The following LYPD6 variants were observed in gnomAD, a reference collection of about 807,000 sequenced individuals.
LYPD6 encodes the protein LY6/PLAUR domain containing 6, also known as ly6/PLAUR domain-containing protein 6.
In LYPD6, 15 loss-of-function variants were observed where a neutral mutation model predicts 22.7. That is an observed-to-expected ratio of 0.66 (90% CI 0.44 to 1.02). LYPD6 has a LOEUF of 1.02. LYPD6 is among the 50% of genes least tolerant of loss of function. The pLI is 0.00. For missense variants in LYPD6, 189 were observed against 208.4 expected, an observed-to-expected ratio of 0.91 and a Z score of 0.57; for synonymous variants, 72 against 77.5, an observed-to-expected ratio of 0.93 and a Z score of 0.37.
At chr2:149,350,624 G>A (rs1421610585) in intron 1 of LYPD6, among the ~76,000 whole-genome samples, 1 of 152,186 alleles carries the variant, frequency 6.6e-6, no homozygotes, top group African/African-American at 2.4e-5. Context: ...TTCTATGTAT[G>A]TACTTTCCAA....
intron 2 of LYPD6, among the ~76,000 whole-genome samples, chr2:149,445,591 G>A (rs1683669838): frequency 6.6e-6 from 1 of 152,180 alleles, no homozygotes. Flanking sequence ...TTTATGTTAT[G>A]GAAATGGATT....
downstream of LYPD6, among the ~76,000 whole-genome samples, chr2:149,477,438 C>T (rs187624539): frequency 8.9e-3 from 1,348 of 152,038 alleles, 56 homozygotes; most frequent in Admixed American, 0.074. Flanking sequence ...GCCTGGCCAA[C>T]GTGGTGAAAC....
intron 1 of LYPD6, among the ~76,000 whole-genome samples, chr2:149,377,647 G>A (rs1388251349): frequency 6.6e-6 from 1 of 152,126 alleles, no homozygotes; most frequent in East Asian, 1.9e-4. Context: ...CGGTGTGGTG[G>A]CACACACCTA....
At chr2:149,379,584 GT>G (rs1682014092) in intron 1 of LYPD6, among the ~76,000 whole-genome samples, 1 of 152,172 alleles carries the variant, frequency 6.6e-6, no homozygotes, top group African/African-American at 2.4e-5. Flanking sequence ...CTTACCTTGG[GT>G]GGGTGCTTCA....
rs540839237 is a variant in LYPD6, at chr2:149,466,625, G to A, written c.218-2020G>A. 1.5e-4 allele frequency among the ~76,000 whole-genome samples: 23 copies of A among 152,252 alleles called. 1 individual carries two copies. In the South Asian group the frequency reaches 3.5e-3, roughly 23 times the overall value. On this transcript the variant is annotated intron_variant, in intron 3 of 4. Transcript: ENST00000334166. Reference sequence around the variant, plus strand: ...CTCTCCATTATGTATAAGATATTTTGTTAAAGATAGAAAAGTATGAACAAA... The same window carrying A: ...CTCTCCATTATGTATAAGATATTTTATTAAAGATAGAAAAGTATGAACAAA...
chr2:149,452,116 G>A (rs1030343373), intron 3 of LYPD6, among the ~76,000 whole-genome samples: 1 of 152,196 alleles, frequency 6.6e-6, no homozygotes, highest in African/African-American at 2.4e-5. Flanking sequence ...CAGAGCAAAG[G>A]CATAGAGACA....
intron 2 of LYPD6, chr2:149,440,353 C>G (rs1683534486): frequency 6.0e-6 from 1 of 166,310 alleles, no homozygotes; most frequent in African/African-American, 2.4e-5. Context: ...TGTTCCTAAA[C>G]CAGAAGAGGG....
intron 1 of LYPD6, among the ~76,000 whole-genome samples, chr2:149,397,729 G>C (rs966599596): frequency 2.0e-5 from 3 of 152,180 alleles, no homozygotes; most frequent in African/African-American, 7.2e-5. Flanking sequence ...AGAAGTCTAG[G>C]ACTGTGGTTC....
At chr2:149,383,608 G>A (rs1389934261) in intron 1 of LYPD6, among the ~76,000 whole-genome samples, 2 of 152,130 alleles carry the variant, frequency 1.3e-5, no homozygotes, top group South Asian at 2.1e-4. Context: ...TCATCTTACT[G>A]AGTCATTATG....
downstream of LYPD6, among the ~76,000 whole-genome samples, chr2:149,477,706 G>A (rs1681466187): frequency 6.7e-6 from 1 of 149,878 alleles, no homozygotes; most frequent in Non-Finnish European, 1.5e-5. Context: ...ATAGTGGTGT[G>A]TTTCAGCCAG....
downstream of LYPD6, among the ~76,000 whole-genome samples, chr2:149,474,825 T>TG (rs1409756328): frequency 2.0e-5 from 3 of 152,108 alleles, no homozygotes; most frequent in East Asian, 5.8e-4. Flanking sequence ...TGCAGTACAA[T>TG]GGCATGATCT....
intron 3 of LYPD6, among the ~76,000 whole-genome samples, chr2:149,461,671 A>G (rs2105175378): frequency 6.6e-6 from 1 of 152,160 alleles, no homozygotes; most frequent in South Asian, 2.1e-4. Context: ...ATTGGCAAAT[A>G]GAATGTAGCA....
chr2:149,443,480 G>A (rs569192596), intron 2 of LYPD6, among the ~76,000 whole-genome samples: 1 of 152,096 alleles, frequency 6.6e-6, no homozygotes, highest in Non-Finnish European at 1.5e-5. Context: ...GCTGTTCTCT[G>A]ACAAATGCTT....
intron 3 of LYPD6, chr2:149,464,358 G>T (rs1681156002): frequency 3.6e-6 from 1 of 275,254 alleles, no homozygotes; most frequent in African/African-American, 2.3e-5. Context: ...GAAAAAATAT[G>T]CAGACCATGC....
intron 2 of LYPD6, among the ~76,000 whole-genome samples, chr2:149,441,128 A>G (rs1225380912): frequency 6.6e-6 from 1 of 152,160 alleles, no homozygotes; most frequent in Non-Finnish European, 1.5e-5. Context: ...TGAGCACTAG[A>G]CCATATTAAG....
chr2:149,449,249 G>A, intron 3 of LYPD6, 102 bp downstream of exon 3: 1 of 690,204 alleles, frequency 1.4e-6, no homozygotes, highest in Non-Finnish European at 2.5e-6. Context: ...TGCAATCTCA[G>A]CTGCTCCTCT....
chr2:149,448,946 T>G, intron 2 of LYPD6, 103 bp from the exon 3 acceptor site: 1 of 887,836 alleles, frequency 1.1e-6, no homozygotes, highest in Non-Finnish European at 1.7e-6. Flanking sequence ...AACTGCTAAG[T>G]TGTCTTGAGA....
At position 149,420,460 on chromosome 2, in the gene LYPD6, C is replaced by T. The variant is rs1057215797; in HGVS notation, c.-71-17178C>T. ...GAGTGTATGTTCGTCCCTGGAGAGG[C>T]CTCAAGACATTTTCTCTTTTGTTGT... On this transcript the variant is annotated intron_variant, in intron 1 of 4. Transcript: ENST00000334166. Among the ~76,000 whole-genome samples, 40 of 152,126 alleles carry T rather than the reference C, an allele frequency of 2.6e-4. 1 individual carries two copies. The highest frequency in any genetic ancestry group is 4.4e-5 in the Non-Finnish European group (3 of 68,022).
chr2:149,456,520 C>A (rs1680961905), intron 3 of LYPD6, among the ~76,000 whole-genome samples: 1 of 152,116 alleles, frequency 6.6e-6, no homozygotes, highest in South Asian at 2.1e-4. Flanking sequence ...ACCTTTAGTA[C>A]CTCAGAATGA....
Sources: allele counts gnomAD v4.1 joint callset (sites outside exome capture counted in the v4.1 genomes callset), GRCh38; gene constraint gnomAD v4.1.1; transcripts MANE v1.5; gene names NCBI Gene and HGNC (gene_info 2026-07-23, HGNC 2026-07-21).